Variants in MARCHF11 observed in about 807,000 individuals in gnomAD.
MARCHF11 encodes membrane associated ring-CH-type finger 11.
Under a neutral mutation model 37.3 loss-of-function variants are expected in MARCHF11, and 29 were observed. That is an observed-to-expected ratio of 0.78 (90% CI 0.58 to 1.06). MARCHF11 has a LOEUF of 1.06. Ranked by LOEUF, MARCHF11 falls within the 50% of genes least tolerant of loss-of-function variation. The pLI is 0.00. For synonymous variants in MARCHF11, 233 were observed against 228.0 expected, an observed-to-expected ratio of 1.02 and a Z score of -0.20; for missense variants, 482 against 533.4, an observed-to-expected ratio of 0.90 and a Z score of 0.95.
At chr5:16,128,928 A>G (rs1445687766) in intron 2 of MARCHF11, among the ~76,000 whole-genome samples, 1 of 152,198 alleles carries the variant, frequency 6.6e-6, no homozygotes, top group Non-Finnish European at 1.5e-5. Context: ...AGCCTTAGAC[A>G]TTTACTTATT....
intron 2 of MARCHF11, among the ~76,000 whole-genome samples, chr5:16,133,706 G>A (rs949232798): frequency 6.6e-6 from 1 of 151,978 alleles, no homozygotes; most frequent in African/African-American, 2.4e-5. Flanking sequence ...ATTTAAAACA[G>A]AGTGTCCAAT....
chr5:16,165,226 C>T (rs1738150138), intron 2 of MARCHF11, among the ~76,000 whole-genome samples: 1 of 152,050 alleles, frequency 6.6e-6, no homozygotes, highest in African/African-American at 2.4e-5. Context: ...CTGTTCTTGG[C>T]CTTCCCTACA....
intron 2 of MARCHF11, among the ~76,000 whole-genome samples, chr5:16,153,433 T>C (rs1737920257): frequency 6.6e-6 from 1 of 151,890 alleles, no homozygotes; most frequent in Non-Finnish European, 1.5e-5. Flanking sequence ...CTGACTACCA[T>C]GCTAGGAAGC....
intron 2 of MARCHF11, among the ~76,000 whole-genome samples, chr5:16,095,669 T>C (rs185170347): frequency 1.3e-5 from 2 of 152,318 alleles, no homozygotes; most frequent in East Asian, 1.9e-4. Flanking sequence ...TAATGCCACC[T>C]CTTGTAAAGA....
chr5:16,067,728 G>T lies in MARCHF11; in HGVS notation c.952C>A (p.His318Asn), dbSNP rs758554813. 1.2e-6 allele frequency: 2 copies of T among 1,613,872 alleles called. No individual in the cohort carries two copies. Among genetic ancestry groups the T allele is most frequent in the South Asian group, 2.2e-5 (2 of 91,082 alleles). ...VFKRWRAVNLHWDVLNYDKAT... is the reference protein window; with the variant it reads ...VFKRWRAVNLNWDVLNYDKAT... ...TTGTCATAATTTAACACATCCCAGT[G>T]CAAATTCACAGCTCGCCAGCGCTTA... The change falls in exon 4 of 4, where the codon CAC becomes AAC. Residue 318 changes from histidine to asparagine, a missense_variant. Physicochemically the swap from His to Asn is moderately conservative, Grantham distance 68. Transcript: ENST00000332432.
intron 2 of MARCHF11, among the ~76,000 whole-genome samples, chr5:16,147,795 C>T (rs1476627403): frequency 1.3e-5 from 2 of 152,104 alleles, no homozygotes; most frequent in Non-Finnish European, 1.5e-5. Context: ...CACTGGTTTG[C>T]AGTTATTTGG....
chr5:16,179,711 G>A lies in MARCHF11; in HGVS notation c.-136C>T, dbSNP rs1738443911. The A allele has an allele frequency of 4.4e-6, 2 of 449,666 alleles. No homozygotes were observed. Among genetic ancestry groups the A allele is most frequent in the Non-Finnish European group, 6.4e-6 (2 of 312,758 alleles). 27.9% of individuals were successfully genotyped at this position (449,666 alleles called of 1,614,324 possible). On this transcript the variant is annotated 5_prime_UTR_variant, in exon 1 of 4. Transcript: ENST00000332432. The stretch of plus-strand genomic sequence containing the variant: ...CCCGGACGCCTGGGGCTAGGGGGCG[G>A]GACGGGGAGGGGATGCGGAAGGTTC...
Position 16,177,746 on chromosome 5 carries a change from T to G in MARCHF11, c.673A>C (p.Lys225Gln). Reference protein sequence around the residue: ...CCYRYHVIAIKMKQPCQWQSI... With the variant: ...CCYRYHVIAIQMKQPCQWQSI... ...CTTACCTGGCAAGGTTGTTTCATTT[T>G]AATGGCTATAACATGGTATCTATAA... Residue 225 changes from lysine (K) to glutamine (Q), a missense_variant, in exon 2 of 4, where the codon AAA (lysine) becomes CAA (glutamine). By Grantham distance (53) the Lys-to-Gln change is moderately conservative. Coordinates refer to ENST00000332432, the MANE Select transcript of MARCHF11 (RefSeq NM_001102562.3). 6.2e-7 allele frequency: 1 copy of G among 1,602,870 alleles called. No homozygotes were observed. The highest frequency in any genetic ancestry group is 8.5e-7 in the Non-Finnish European group (1 of 1,176,510).
In MARCHF11 at chr5:16,067,370, G is replaced by C; in HGVS notation, c.*101C>G. On this transcript the variant is annotated 3_prime_UTR_variant, in exon 4 of 4. Transcript: ENST00000332432. The stretch of plus-strand genomic sequence containing the variant: ...ATATAAAAAGCATAAATTTTAAAAA[G>C]TTCATAGATGTGTTTTTAGAAGTGC... 9.2e-7 allele frequency: 1 copy of C among 1,092,756 alleles called. No homozygotes were observed. Among genetic ancestry groups the C allele is most frequent in the Non-Finnish European group, 1.3e-6 (1 of 758,382 alleles). 67.7% of individuals were successfully genotyped at this position (1,092,756 alleles called of 1,614,324 possible).
rs556372269 is a variant in MARCHF11 at position 16,081,380 on chromosome 5, G to A, written c.886+9509C>T. Among the ~76,000 whole-genome samples the A allele has an allele frequency of 5.3e-5, 8 of 152,140 alleles. No individual in the cohort carries two copies. The East Asian group carries it at 7.7e-4, about 15-fold the overall frequency. ...AAATACATGGATATGGCTGCATCCC[G>A]GTACAACTTTATCCAAAGGCACCAA... is the stretch of plus-strand genomic sequence containing the variant. On this transcript the variant is annotated intron_variant, in intron 3 of 3. Transcript: ENST00000332432.
At position 16,108,014 on chromosome 5, in the gene MARCHF11, C is replaced by T. The variant is rs141273290; in HGVS notation, c.694-16933G>A. Among the ~76,000 whole-genome samples, 56 of 152,304 alleles carry T rather than the reference C, an allele frequency of 3.7e-4. 1 individual carries two copies. Among genetic ancestry groups the T allele is most frequent in the African/African-American group, 1.3e-3 (54 of 41,572 alleles). ...CATGTGTGACCTGAATCTTCCATGACGCTGGACAAGAGCTCAGGATACAGA... is the reference window on the plus strand; with the variant it reads ...CATGTGTGACCTGAATCTTCCATGATGCTGGACAAGAGCTCAGGATACAGA... On this transcript the variant is annotated intron_variant, in intron 2 of 3. Transcript: ENST00000332432.
chr5:16,085,804 T>G (rs1736687416), intron 3 of MARCHF11, among the ~76,000 whole-genome samples: 1 of 150,886 alleles, frequency 6.6e-6, no homozygotes, highest in African/African-American at 2.4e-5. Flanking sequence ...TACAAAAAAT[T>G]AGGTGGGCGC....
chr5:16,161,022 T>C (rs1050973313), intron 2 of MARCHF11, among the ~76,000 whole-genome samples: 1 of 151,910 alleles, frequency 6.6e-6, no homozygotes, highest in African/African-American at 2.4e-5. Flanking sequence ...CCCTGGTTTA[T>C]TTGGAAAGGT....
intron 3 of MARCHF11, among the ~76,000 whole-genome samples, chr5:16,081,640 C>T (rs749040174): frequency 1.3e-5 from 2 of 152,198 alleles, no homozygotes; most frequent in African/African-American, 2.4e-5. Context: ...CGACAGATTA[C>T]TAATGCTGCT....
intron 2 of MARCHF11, among the ~76,000 whole-genome samples, chr5:16,129,733 TG>T (rs1014517439): frequency 3.7e-4 from 56 of 152,314 alleles, no homozygotes; most frequent in African/African-American, 1.3e-3. Flanking sequence ...TTCTTGAGTT[TG>T]TTTTCAGGTA....
At chr5:16,173,256 G>A (rs1445300597) in intron 2 of MARCHF11, among the ~76,000 whole-genome samples, 1 of 152,148 alleles carries the variant, frequency 6.6e-6, no homozygotes, top group Non-Finnish European at 1.5e-5. Context: ...TTTGACTGAT[G>A]CTCAGCCATT....
At chr5:16,091,171 A>G in intron 2 of MARCHF11, 90 bp from the exon 3 acceptor site, 1 of 1,024,572 alleles carries the variant, frequency 9.8e-7, no homozygotes, top group Non-Finnish European at 1.3e-6. Context: ...TCTTTTCATA[A>G]TGTTAGACCC....
intron 3 of MARCHF11, among the ~76,000 whole-genome samples, chr5:16,083,244 C>T (rs760334438): frequency 3.9e-5 from 6 of 152,130 alleles, no homozygotes; most frequent in Non-Finnish European, 7.3e-5. Flanking sequence ...AATCAGACCA[C>T]ACTGGATTCT....
intron 2 of MARCHF11, among the ~76,000 whole-genome samples, chr5:16,099,376 C>A (rs1434844703): frequency 3.3e-5 from 5 of 152,052 alleles, no homozygotes; most frequent in Non-Finnish European, 5.9e-5. Context: ...AAAAGGGTTC[C>A]TCAACTGTTT....
Sources: gnomAD v4.1 joint callset for allele counts (sites outside exome capture counted in the v4.1 genomes callset) on GRCh38, gnomAD v4.1.1 for gene constraint, MANE v1.5 for transcripts, NCBI Gene and HGNC (gene_info 2026-07-23, HGNC 2026-07-21) for gene names.